The following DMTF1 variants were observed in gnomAD, a reference collection of about 807,000 sequenced individuals.
DMTF1 encodes cyclin D binding myb like transcription factor 1.
DMTF1 carries 39 observed loss-of-function variants against 91.1 expected under a neutral mutation model. The ratio of observed to expected loss-of-function variants is 0.43; its 90% CI spans 0.33 to 0.56. The LOEUF (loss-of-function observed/expected upper bound fraction) is 0.56. DMTF1 is among the 20% of genes least tolerant of loss of function. The probability of loss-of-function intolerance (pLI) is 0.05; values close to 1 mark genes in which losing one functional copy is unlikely to be tolerated. For missense variants in DMTF1, 750 were observed against 914.5 expected (o/e 0.82, Z 2.32); for synonymous variants, 338 against 309.5 (o/e 1.09, Z -0.97).
At chr7:87,153,483 G>A (rs1054872688) in intron 1 of DMTF1, among the ~76,000 whole-genome samples, 1 of 152,186 alleles carries the variant, frequency 6.6e-6, no homozygotes, top group African/African-American at 2.4e-5. Flanking sequence ...TTGTGCAATT[G>A]AATGATAGAG....
intron 1 of DMTF1, chr7:87,155,413 T>A (rs1790419681): frequency 6.6e-6 from 1 of 152,184 alleles, no homozygotes; most frequent in Admixed American, 6.5e-5. Context: ...ATGAAAGGAT[T>A]TCCTAGGAAT....
chr7:87,172,789 A>C (rs922224801), intron 5 of DMTF1, among the ~76,000 whole-genome samples: 5 of 152,168 alleles, frequency 3.3e-5, no homozygotes, highest in African/African-American at 4.8e-5. Flanking sequence ...GCCAGGGTCA[A>C]CTCTGCCGAA....
chr7:87,190,203 C>G (rs975064965), intron 13 of DMTF1, among the ~76,000 whole-genome samples: 2 of 151,986 alleles, frequency 1.3e-5, no homozygotes, highest in African/African-American at 4.8e-5. Flanking sequence ...GATCTTTATT[C>G]AGTCCCCAAA....
chr7:87,189,164 CAG>C (rs923529866), intron 13 of DMTF1, among the ~76,000 whole-genome samples: 25 of 152,128 alleles, frequency 1.6e-4, no homozygotes, highest in African/African-American at 4.8e-4. Context: ...TTATGAGAAA[CAG>C]AAACACCCTG....
intron 13 of DMTF1, among the ~76,000 whole-genome samples, chr7:87,190,382 G>A (rs974715164): frequency 1.3e-5 from 2 of 151,888 alleles, no homozygotes; most frequent in Non-Finnish European, 1.5e-5. Flanking sequence ...AGTGATTAAA[G>A]CCTAGTATTT....
chr7:87,189,844 AG>A (rs1799334364), intron 13 of DMTF1, among the ~76,000 whole-genome samples: 1 of 152,140 alleles, frequency 6.6e-6, no homozygotes, highest in East Asian at 1.9e-4. Flanking sequence ...CCCTGACAGT[AG>A]TTTGCTAACC....
rs1165964914 is a variant in DMTF1 at position 87,171,099 on chromosome 7, A to G, written c.327+10A>G. On this transcript the variant is annotated intron_variant, in intron 5 of 17. Coordinates refer to ENST00000331242, the MANE Select transcript of DMTF1 (RefSeq NM_001142327.2). The stretch of plus-strand genomic sequence containing the variant: ...TGTGACACAGATACAGGTATAGTAA[A>G]TCTTTTAACTGGCCTCAGGAGGATG... 6.4e-6 allele frequency: 10 copies of G among 1,551,574 alleles called. No homozygotes were observed. Among genetic ancestry groups the G allele is most frequent in the Non-Finnish European group, 8.9e-6 (10 of 1,129,056 alleles).
intron 1 of DMTF1, among the ~76,000 whole-genome samples, chr7:87,155,945 C>A (rs767974528): frequency 6.6e-6 from 1 of 151,796 alleles, no homozygotes; most frequent in Non-Finnish European, 1.5e-5. Flanking sequence ...TCATTCACTT[C>A]CCATCAGGTG....
intron 14 of DMTF1, chr7:87,192,477 T>G (rs1412897728): frequency 6.6e-6 from 1 of 152,074 alleles, no homozygotes; most frequent in Non-Finnish European, 1.5e-5. Flanking sequence ...GAAACCTATA[T>G]TTGGGGATTT....
intron 5 of DMTF1, among the ~76,000 whole-genome samples, chr7:87,172,323 T>C (rs565897719): frequency 7.2e-5 from 11 of 152,346 alleles, no homozygotes; most frequent in South Asian, 2.1e-4. Context: ...ATAAAACTTA[T>C]TCACACTTGT....
In DMTF1 at chr7:87,188,167, C is replaced by A. The variant is rs1483714961; in HGVS notation, c.1277C>A (p.Ser426Tyr). 1.2e-6 allele frequency: 2 copies of A among 1,613,840 alleles called. No homozygotes were observed. Among genetic ancestry groups the A allele is most frequent in the Non-Finnish European group, 1.7e-6 (2 of 1,179,928 alleles). The change falls in exon 13 of 18, where the codon TCT becomes TAT. Residue 426 changes from serine (S) to tyrosine (Y), a missense_variant. Around this residue, in one of 3 missense-constraint regions of DMTF1, gnomAD observed 410 missense variants for 420.2 expected, o/e 0.98. Transcript: ENST00000331242. ...ACGCTTTTGGAGAATAAATCAGGAT[C>A]TGGAGTTCCAAACAGTAATACCAAT... Reference protein sequence around the residue: ...NPTLLENKSGSGVPNSNTNSS... With the variant: ...NPTLLENKSGYGVPNSNTNSS...
chr7:87,194,606 C>G (rs186703552), intron 16 of DMTF1, 78 bp from the exon 17 acceptor site: 2 of 1,047,320 alleles, frequency 1.9e-6, no homozygotes, highest in Admixed American at 4.5e-5. Flanking sequence ...TAAGTCTAAC[C>G]TATACATACC....
rs138374672 is a variant in DMTF1 at position 87,187,995 on chromosome 7, A to G, written c.1202-97A>G. Reference sequence around the variant, plus strand: ...ATCCAGTATGCAGTTATTTATTCCAAATACTTTCCCTCCTTACCTCCCCCC... The same window carrying G: ...ATCCAGTATGCAGTTATTTATTCCAGATACTTTCCCTCCTTACCTCCCCCC... On this transcript the variant is annotated intron_variant, in intron 12 of 17. Transcript: ENST00000331242. 846 of 876,990 alleles carry G rather than the reference A, an allele frequency of 9.6e-4. 6 individuals are homozygous for G. In the East Asian group the frequency reaches 0.018, roughly 19 times the overall value. 54.3% of individuals were successfully genotyped at this position (876,990 alleles called of 1,614,324 possible). A position where few individuals can be genotyped will look rare whatever the true frequency, so the allele number is the denominator to read the frequency against.
intron 7 of DMTF1, among the ~76,000 whole-genome samples, chr7:87,175,889 T>C (rs1185835572): frequency 6.6e-6 from 1 of 152,232 alleles, no homozygotes; most frequent in Non-Finnish European, 1.5e-5. Flanking sequence ...TTAAAGGGTT[T>C]AAGAAAAGCT....
Position 87,166,513 on chromosome 7 carries a change from T to C in DMTF1, c.140T>C (p.Ile47Thr), listed in dbSNP as rs1793866864. 2 of 1,613,396 alleles carry C rather than the reference T, an allele frequency of 1.2e-6. No homozygotes were observed. The highest frequency in any genetic ancestry group is 1.7e-6 in the Non-Finnish European group (2 of 1,179,568). The stretch of plus-strand genomic sequence containing the variant: ...GATGAAATAGACTCAGAAGATAGTA[T>C]TGAACCTCCACATAAAAGGCTTTGT... Reference protein sequence around the residue: ...EADEIDSEDSIEPPHKRLCLS... With the variant: ...EADEIDSEDSTEPPHKRLCLS... Residue 47 changes from isoleucine to threonine, a missense_variant, in exon 4 of 18, where the codon ATT becomes ACT. By Grantham distance (89) the Ile-to-Thr change is moderately conservative (BLOSUM62 -1). This residue lies in a region of DMTF1 where 150 missense variants were observed against 150.4 expected (regional missense o/e 1.00). Transcript: ENST00000331242.
intron 10 of DMTF1, among the ~76,000 whole-genome samples, chr7:87,183,727 C>T (rs557206983): frequency 6.6e-6 from 1 of 152,132 alleles, no homozygotes; most frequent in Non-Finnish European, 1.5e-5. Flanking sequence ...TTTTCCCTTT[C>T]TGTTTTTCTG....
chr7:87,169,880 CTTCT>C (rs1409874424), intron 4 of DMTF1, among the ~76,000 whole-genome samples: 4 of 152,190 alleles, frequency 2.6e-5, no homozygotes, highest in Non-Finnish European at 5.9e-5. Context: ...CCTTAGACTG[CTTCT>C]TTGTTTTCTT....
intron 8 of DMTF1, 86 bp from the exon 9 acceptor site, chr7:87,181,223 C>A (rs1797300913): frequency 4.6e-6 from 3 of 654,718 alleles, no homozygotes; most frequent in Admixed American, 5.2e-5. Flanking sequence ...TAACATTCAG[C>A]TCCCTAAATG....
At position 87,188,223 on chromosome 7, in the gene DMTF1, G is replaced by T. The variant is rs146399689; in HGVS notation, c.1333G>T (p.Ala445Ser). 1.7e-4 allele frequency: 282 copies of T among 1,613,986 alleles called. 2 individuals are homozygous for T. In the African/African-American group the frequency reaches 3.1e-3, roughly 18 times the overall value. The change falls in exon 13 of 18, where the codon GCC (alanine) becomes TCC (serine). Residue 445 changes from alanine (A) to serine (S), a missense_variant. By Grantham distance (99) the Ala-to-Ser change is moderately conservative (BLOSUM62 1). This residue lies in a region of DMTF1 where 410 missense variants were observed against 420.2 expected (regional missense o/e 0.98). Transcript: ENST00000331242. Reference sequence around the variant, plus strand: ...TGTGCAGCATGTTCAGATAAGAGTTGCCCGCTTGGAAGATAATACAGCCAT... The same window carrying T: ...TGTGCAGCATGTTCAGATAAGAGTTTCCCGCTTGGAAGATAATACAGCCAT... ...SSVQHVQIRV[A>S]RLEDNTAISS...
Sources: gnomAD v4.1 joint callset for allele counts (sites outside exome capture counted in the v4.1 genomes callset) on GRCh38, gnomAD v4.1.1 for gene constraint, gnomAD v4.1.1 regional missense constraint, MANE v1.5 for transcripts, NCBI Gene and HGNC (gene_info 2026-07-23, HGNC 2026-07-21) for gene names.